Variants in SDK1 observed in about 807,000 individuals in gnomAD.
SDK1 encodes the protein sidekick cell adhesion molecule 1.
In SDK1, 157 loss-of-function variants were observed where a neutral mutation model predicts 245.5. The ratio of observed to expected loss-of-function variants is 0.64; its 90% CI spans 0.56 to 0.73. SDK1 has a LOEUF of 0.73. Among genes scored for constraint, SDK1 ranks in the 30% least tolerant of loss-of-function variants. SDK1 has a pLI of 0.00. For synonymous variants in SDK1, 1,647 were observed against 1,278.5 expected, an observed-to-expected ratio of 1.29 and a Z score of -6.15; for missense variants, 3,583 against 3,002.3, an observed-to-expected ratio of 1.19 and a Z score of -4.52.
chr7:3,625,008 C>T (rs530712632), intron 2 of SDK1, among the ~76,000 whole-genome samples: 1 of 152,152 alleles, frequency 6.6e-6, no homozygotes. Context: ...CATTGCACTC[C>T]AGCCTGGGCA....
intron 4 of SDK1, among the ~76,000 whole-genome samples, chr7:3,743,951 G>A (rs546984497): frequency 2.6e-5 from 4 of 152,262 alleles, no homozygotes; most frequent in South Asian, 2.1e-4. Context: ...TTCCTGTGGC[G>A]TTATTATCCT....
intron 1 of SDK1, among the ~76,000 whole-genome samples, chr7:3,514,512 A>C (rs904936770): frequency 1.1e-4 from 17 of 152,156 alleles, no homozygotes; most frequent in African/African-American, 3.9e-4. Flanking sequence ...TCCCACAGCC[A>C]TTAGGACTTG....
At chr7:4,039,819 A>G (rs6462546) in intron 17 of SDK1, among the ~76,000 whole-genome samples, 47,626 of 152,032 alleles carry the variant, frequency 0.31, 11,675 homozygotes, top group African/African-American at 0.69. Flanking sequence ...CACTAGCCAG[A>G]AACGAAGGGA....
chr7:4,117,547 A>G (rs1783792781), intron 25 of SDK1, among the ~76,000 whole-genome samples: 1 of 152,242 alleles, frequency 6.6e-6, no homozygotes, highest in African/African-American at 2.4e-5. Flanking sequence ...CAGAGGCATA[A>G]CAGGAACTAG....
At chr7:4,066,027 C>T (rs1008154357) in intron 19 of SDK1, among the ~76,000 whole-genome samples, 1 of 152,072 alleles carries the variant, frequency 6.6e-6, no homozygotes, top group Non-Finnish European at 1.5e-5. Flanking sequence ...CTAGGGGAGT[C>T]GTGTGGTGTG....
chr7:3,363,653 A>C (rs76163201), intron 1 of SDK1, among the ~76,000 whole-genome samples: 2,017 of 152,306 alleles, frequency 0.013, 31 homozygotes, highest in Non-Finnish European at 0.02. Flanking sequence ...GTCATCAGGC[A>C]TTAGGTTTTC....
chr7:3,895,987 T>C (rs775826516), intron 5 of SDK1, among the ~76,000 whole-genome samples: 56 of 152,204 alleles, frequency 3.7e-4, no homozygotes, highest in Non-Finnish European at 7.1e-4. Flanking sequence ...TTGAGATTTG[T>C]TTTATGGCCC....
chr7:3,446,805 G>C (rs1245653486), intron 1 of SDK1, among the ~76,000 whole-genome samples: 1 of 152,182 alleles, frequency 6.6e-6, no homozygotes, highest in Non-Finnish European at 1.5e-5. Flanking sequence ...GCAAGTGTTT[G>C]TGGATTACTG....
At chr7:3,775,957 G>C (rs1780545886) in intron 4 of SDK1, among the ~76,000 whole-genome samples, 1 of 152,202 alleles carries the variant, frequency 6.6e-6, no homozygotes, top group Admixed American at 6.5e-5. Context: ...TATTTGCACT[G>C]ATTCTCGAAA....
At chr7:3,356,953 G>T (rs1297142658) in intron 1 of SDK1, among the ~76,000 whole-genome samples, 1 of 124,386 alleles carries the variant, frequency 8.0e-6, no homozygotes, top group Admixed American at 7.8e-5. Flanking sequence ...TACTCAGGAG[G>T]CTGAGGCAGA....
At chr7:3,755,457 A>T (rs1779894435) in intron 4 of SDK1, among the ~76,000 whole-genome samples, 1 of 152,144 alleles carries the variant, frequency 6.6e-6, no homozygotes, top group Non-Finnish European at 1.5e-5. Context: ...CTGGATACTG[A>T]GAAATTTGCC....
intron 4 of SDK1, among the ~76,000 whole-genome samples, chr7:3,805,186 A>G (rs1055931770): frequency 3.3e-5 from 5 of 152,328 alleles, no homozygotes; most frequent in Admixed American, 3.3e-4. Context: ...TTATGCTACT[A>G]AAAAATACAG....
chr7:4,145,033 G>C (rs145948206), intron 28 of SDK1, among the ~76,000 whole-genome samples: 2 of 152,154 alleles, frequency 1.3e-5, no homozygotes, highest in African/African-American at 4.8e-5. Context: ...AGGAGTGATC[G>C]TTAATAAGGA....
At chr7:3,572,084 T>TTTTA (rs1780134370) in intron 1 of SDK1, among the ~76,000 whole-genome samples, 1 of 152,088 alleles carries the variant, frequency 6.6e-6, no homozygotes, top group Non-Finnish European at 1.5e-5. Context: ...AAAATAAGAC[T>TTTTA]TTTACATCAG....
At chr7:3,752,310 T>C (rs960980141) in intron 4 of SDK1, among the ~76,000 whole-genome samples, 11 of 152,214 alleles carry the variant, frequency 7.2e-5, no homozygotes, top group Non-Finnish European at 4.4e-5. Flanking sequence ...TTGATTTTTT[T>C]CCTCATTTAA....
chr7:4,017,237 C>T lies in SDK1; in HGVS notation c.2487C>T (p.Tyr829=), dbSNP rs374590686. Residue 829 remains tyrosine, a synonymous_variant, in exon 17 of 45, where the codon TAC becomes TAT. Coordinates refer to ENST00000404826, the MANE Select transcript of SDK1 (RefSeq NM_152744.4). ...ACATCACCAGCCCGGAGGTGAACTACTGCCTGGTGACAGACCTGATCATCT... is the reference window on the plus strand; with the variant it reads ...ACATCACCAGCCCGGAGGTGAACTATTGCCTGGTGACAGACCTGATCATCT... ...QRNITSPEVN[Y]CLVTDLIIWT... The T allele has an allele frequency of 3.7e-6, 6 of 1,614,036 alleles. No homozygotes were observed. The highest frequency in any genetic ancestry group is 5.1e-6 in the Non-Finnish European group (6 of 1,180,010).
At chr7:4,017,868 C>A (rs1448923658) in intron 17 of SDK1, among the ~76,000 whole-genome samples, 2 of 152,200 alleles carry the variant, frequency 1.3e-5, no homozygotes, top group East Asian at 3.8e-4. Context: ...TGCCCCCGAC[C>A]CCTGGAAAAA....
chr7:4,067,412 GC>G (rs1239169092), intron 19 of SDK1, among the ~76,000 whole-genome samples: 4 of 152,190 alleles, frequency 2.6e-5, no homozygotes, highest in African/African-American at 9.7e-5. Flanking sequence ...CTGCCCCTGG[GC>G]CCAGGGTCCT....
intron 39 of SDK1, 110 bp downstream of exon 39, chr7:4,220,380 C>T: frequency 8.4e-7 from 1 of 1,191,000 alleles, no homozygotes; most frequent in Non-Finnish European, 1.2e-6. Flanking sequence ...TGTTGGCGGC[C>T]AAGAGCTGGC....
Sources: allele counts gnomAD v4.1 joint callset (sites outside exome capture counted in the v4.1 genomes callset), GRCh38; gene constraint gnomAD v4.1.1; transcripts MANE v1.5; gene names NCBI Gene and HGNC (gene_info 2026-07-23, HGNC 2026-07-21).